The following STK38L variants were observed in gnomAD, a reference collection of about 807,000 sequenced individuals.
STK38L encodes the protein serine/threonine kinase 38 like, also known as serine/threonine-protein kinase 38-like.
STK38L carries 28 observed loss-of-function variants against 59.7 expected under a neutral mutation model. That is an observed-to-expected ratio of 0.47 (90% confidence interval 0.35 to 0.64). The LOEUF (loss-of-function observed/expected upper bound fraction) is 0.64. Among genes scored for constraint, STK38L ranks in the 30% least tolerant of loss-of-function variants. STK38L has a pLI of 0.01. For missense variants in STK38L, 314 were observed against 555.8 expected (o/e 0.56, Z 4.37); for synonymous variants, 162 against 176.8 (o/e 0.92, Z 0.66).
At chr12:27,268,642 G>A (rs1452761049) in intron 1 of STK38L, among the ~76,000 whole-genome samples, 4 of 152,180 alleles carry the variant, frequency 2.6e-5, no homozygotes, top group African/African-American at 7.2e-5. Context: ...CCAGTAATGG[G>A]ATTGCTGGGT....
intron 1 of STK38L, among the ~76,000 whole-genome samples, chr12:27,288,573 A>G (rs1475523308): frequency 6.6e-6 from 1 of 152,048 alleles, no homozygotes; most frequent in Non-Finnish European, 1.5e-5. Flanking sequence ...AGATCACTGT[A>G]ATATCTGTCT....
rs530554072 is a variant in STK38L, at chr12:27,322,751, C to T, written c.*296C>T. ...CACTGCCTACATGCGTATTAAGGTC[C>T]ATTCTGCCTGTGTGTGCTGTGGCTT... On this transcript the variant is annotated 3_prime_UTR_variant, in exon 14 of 14. Coordinates refer to ENST00000389032, the MANE Select transcript of STK38L (RefSeq NM_015000.4). 4.4e-6 allele frequency: 1 copy of T among 225,394 alleles called. No homozygotes were observed. Among genetic ancestry groups the T allele is most frequent in the South Asian group, 1.1e-4 (1 of 9,028 alleles). The allele number at this position is 225,394 out of a possible 1,614,324, so 14.0% of individuals were successfully genotyped here. A position where few individuals can be genotyped will look rare whatever the true frequency, so the allele number is the denominator to read the frequency against.
chr12:27,295,271 C>T (rs1339944761), intron 1 of STK38L, among the ~76,000 whole-genome samples: 1 of 152,168 alleles, frequency 6.6e-6, no homozygotes, highest in Admixed American at 6.5e-5. Context: ...GCCATTGTGG[C>T]TTTCCTGTGT....
At chr12:27,313,992 C>T (rs1346557331) in intron 6 of STK38L, among the ~76,000 whole-genome samples, 1 of 152,120 alleles carries the variant, frequency 6.6e-6, no homozygotes, top group Non-Finnish European at 1.5e-5. Context: ...GATTTGATTT[C>T]ACATGGTCTC....
In STK38L at chr12:27,322,425, C is replaced by G. The variant is rs956455616; in HGVS notation, c.1365C>G (p.Ile455Met). ...AAGGGTTGACTCAACGTGGCTCTAT[C>G]CCCACCTACATGAAAGCTGGGAAGT... ...RFEGLTQRGS[I>M]PTYMKAGKL is the part of the protein sequence containing the mutation. The change falls in exon 14 of 14, where the codon ATC becomes ATG. Residue 455 changes from isoleucine to methionine, a missense_variant. This residue lies in a region of STK38L where 94 missense variants were observed against 142.2 expected (regional missense o/e 0.66). Transcript: ENST00000389032. 21 of 1,613,560 alleles carry G rather than the reference C, an allele frequency of 1.3e-5. No homozygotes were observed. The highest frequency in any genetic ancestry group is 5.9e-6 in the Non-Finnish European group (7 of 1,179,838).
chr12:27,320,842 C>T (rs911018808), intron 12 of STK38L, among the ~76,000 whole-genome samples: 1 of 146,102 alleles, frequency 6.8e-6, no homozygotes, highest in Admixed American at 7.0e-5. Flanking sequence ...AGTGCAGTGG[C>T]GTGATCTCGG....
rs370594873 is a variant in STK38L at position 27,277,205 on chromosome 12, T to TTCC, written c.-11-20502_-11-20500dup. ...TGTGAAAACTTCACACCCCGCTTTGTTCCTCGATTTAATTTAAAGTACGAG... is the reference window on the plus strand; with the variant it reads ...TGTGAAAACTTCACACCCCGCTTTGTTCCTCCTCGATTTAATTTAAAGTACGAG... On this transcript the variant is annotated intron_variant, in intron 1 of 13. Transcript: ENST00000389032. Among the ~76,000 whole-genome samples, 52 of 151,894 alleles carry TTCC rather than the reference T, an allele frequency of 3.4e-4. 1 individual carries two copies. Among genetic ancestry groups the TTCC allele is most frequent in the African/African-American group, 9.6e-4 (40 of 41,490 alleles).
At chr12:27,288,709 T>A (rs934379727) in intron 1 of STK38L, among the ~76,000 whole-genome samples, 2 of 151,558 alleles carry the variant, frequency 1.3e-5, no homozygotes, top group Non-Finnish European at 2.9e-5. Context: ...ATATATCATT[T>A]TATATATATA....
In STK38L at chr12:27,319,352, A is replaced by T; in HGVS notation, c.1104A>T (p.Arg368Ser). The T allele has an allele frequency of 1.2e-6, 2 of 1,612,766 alleles. No homozygotes were observed. The highest frequency in any genetic ancestry group is 1.7e-6 in the Non-Finnish European group (2 of 1,179,128). ...ILRFCIDSEN[R>S]IGNSGVEEIK... ...GATTTTGTATTGATTCTGAAAACAG[A>T]ATTGGAAATAGTGGAGTAGAAGAAA... The change falls in exon 12 of 14, where the codon AGA (arginine) becomes AGT (serine). Residue 368 changes from arginine (R) to serine (S), a missense_variant. Coordinates refer to ENST00000389032, the MANE Select transcript of STK38L (RefSeq NM_015000.4).
At chr12:27,258,896 C>A (rs1310190633) in intron 1 of STK38L, among the ~76,000 whole-genome samples, 1 of 152,158 alleles carries the variant, frequency 6.6e-6, no homozygotes, top group Non-Finnish European at 1.5e-5. Flanking sequence ...GTGAATATTG[C>A]AGAACTTATT....
intron 1 of STK38L, among the ~76,000 whole-genome samples, chr12:27,283,917 T>C (rs1288931996): frequency 6.6e-6 from 1 of 152,202 alleles, no homozygotes; most frequent in African/African-American, 2.4e-5. Flanking sequence ...CAGCTAAATA[T>C]ACGTTTAGAA....
chr12:27,265,457 A>C (rs1393910994), intron 1 of STK38L, among the ~76,000 whole-genome samples: 1 of 152,158 alleles, frequency 6.6e-6, no homozygotes, highest in Non-Finnish European at 1.5e-5. Flanking sequence ...TTGCTTCCAA[A>C]ATTTTTTGCT....
intron 3 of STK38L, among the ~76,000 whole-genome samples, chr12:27,304,753 G>A (rs1032953151): frequency 6.6e-6 from 1 of 152,198 alleles, no homozygotes. Flanking sequence ...TGTAGGGGAA[G>A]AGACTGCAAA....
chr12:27,309,295 T>C, intron 5 of STK38L, 98 bp downstream of exon 5: 1 of 712,328 alleles, frequency 1.4e-6, no homozygotes, highest in Non-Finnish European at 2.1e-6. Flanking sequence ...TTACACATCT[T>C]ACTACATAAG....
intron 1 of STK38L, among the ~76,000 whole-genome samples, chr12:27,275,891 A>G (rs969111031): frequency 1.3e-5 from 2 of 152,194 alleles, no homozygotes; most frequent in African/African-American, 2.4e-5. Flanking sequence ...GGGAACATAG[A>G]TATCTTATCC....
chr12:27,312,622 G>A lies in STK38L; in HGVS notation c.467G>A (p.Ser156Asn). 6.2e-7 allele frequency: 1 copy of A among 1,614,046 alleles called. No homozygotes were observed. The highest frequency in any genetic ancestry group is 1.7e-5 in the Admixed American group (1 of 60,020). Reference protein sequence around the residue: ...DGAWVVKMFYSFQDKRNLYLI... With the variant: ...DGAWVVKMFYNFQDKRNLYLI... ...GCCTGGGTGGTGAAGATGTTTTACAGTTTTCAGGATAAGAGGAATCTTTAT... is the reference window on the plus strand; with the variant it reads ...GCCTGGGTGGTGAAGATGTTTTACAATTTTCAGGATAAGAGGAATCTTTAT... Residue 156 changes from serine (S) to asparagine (N), a missense_variant, in exon 6 of 14, where the codon AGT (serine) becomes AAT (asparagine). Physicochemically the swap from Ser to Asn is conservative, Grantham distance 46. This residue lies in a region of STK38L where 192 missense variants were observed against 316.9 expected (regional missense o/e 0.61). Transcript: ENST00000389032.
At chr12:27,299,929 A>G (rs931412412) in intron 2 of STK38L, among the ~76,000 whole-genome samples, 1 of 152,234 alleles carries the variant, frequency 6.6e-6, no homozygotes, top group African/African-American at 2.4e-5. Context: ...TAAATGAATT[A>G]CAAGGGTAAT....
chr12:27,309,268 A>C (rs1479217584), intron 5 of STK38L, 71 bp downstream of exon 5: 1 of 1,155,960 alleles, frequency 8.7e-7, no homozygotes, highest in Non-Finnish European at 1.2e-6. Flanking sequence ...TTTATATTAG[A>C]ATTTTTAAGA....
chr12:27,271,545 T>A (rs926001241), intron 1 of STK38L, among the ~76,000 whole-genome samples: 3 of 152,166 alleles, frequency 2.0e-5, no homozygotes, highest in African/African-American at 7.2e-5. Context: ...GGGGGGTAGT[T>A]AGTAGAGAAT....
Sources: allele counts gnomAD v4.1 joint callset (sites outside exome capture counted in the v4.1 genomes callset), GRCh38; gene constraint gnomAD v4.1.1; regional missense constraint gnomAD v4.1.1; transcripts MANE v1.5; gene names NCBI Gene and HGNC (gene_info 2026-07-23, HGNC 2026-07-21).